Variants in NR4A1 observed in about 807,000 individuals in gnomAD.
The protein encoded by NR4A1 is nuclear receptor subfamily 4immunitygroup A member 1.
NR4A1 carries 24 observed loss-of-function variants against 47.5 expected under a neutral mutation model. The ratio of observed to expected loss-of-function variants is 0.50; its 90% CI spans 0.37 to 0.71. NR4A1 has a LOEUF of 0.71. Among genes scored for constraint, NR4A1 ranks in the 30% least tolerant of loss-of-function variants. The pLI is 0.00. For missense variants in NR4A1, 669 were observed against 788.6 expected (o/e 0.85, Z 1.82); for synonymous variants, 353 against 345.7 (o/e 1.02, Z -0.24).
chr12:52,041,688 TC>T, intron 1 of NR4A1: 2 of 1,119,880 alleles, frequency 1.8e-6, no homozygotes, highest in Non-Finnish European at 2.3e-6. Context: ...CGCTGGCTTG[TC>T]CCCCTCTTGT....
chr12:52,040,818 C>G (rs529275884), intron 1 of NR4A1, among the ~76,000 whole-genome samples: 51 of 152,352 alleles, frequency 3.3e-4, no homozygotes, highest in Admixed American at 1.2e-3. Flanking sequence ...TCATCTCCTT[C>G]TCTTTTCCCA....
At chr12:52,041,864 T>C (rs765977444) in exon 2 of NR4A1, 22 of 1,526,814 alleles carry the variant, frequency 1.4e-5, no homozygotes, top group African/African-American at 2.7e-5. Flanking sequence ...CCTGGCTCCT[T>C]CTGCTGGGCC....
chr12:52,036,687 G>A (rs1483701182), intron 1 of NR4A1, among the ~76,000 whole-genome samples: 1 of 152,236 alleles, frequency 6.6e-6, no homozygotes, highest in Non-Finnish European at 1.5e-5. Context: ...TGGAAGCTGG[G>A]TGCCCTGCTA....
At chr12:52,052,278 T>TGTGTGG (rs1939009682) in intron 1 of NR4A1, among the ~76,000 whole-genome samples, 1 of 132,692 alleles carries the variant, frequency 7.5e-6, no homozygotes, top group Admixed American at 7.0e-5. Context: ...CGTGTGTGTG[T>TGTGTGG]GTGTGTGTGT....
chr12:52,041,602 C>A (rs2120978387), intron 1 of NR4A1, among the ~76,000 whole-genome samples: 1 of 152,302 alleles, frequency 6.6e-6, no homozygotes, highest in East Asian at 1.9e-4. Context: ...CCTGGCCACA[C>A]CCTACACCCC....
chr12:52,055,561 G>A, intron 2 of NR4A1: 1 of 518,496 alleles, frequency 1.9e-6, no homozygotes, highest in Non-Finnish European at 3.4e-6. Flanking sequence ...AGGCTCTCAT[G>A]TTCCTGGCGT....
chr12:52,035,461 A>C (rs1565640019), intron 1 of NR4A1, among the ~76,000 whole-genome samples: 1 of 152,150 alleles, frequency 6.6e-6, no homozygotes, highest in Non-Finnish European at 1.5e-5. Context: ...TGTATTTCAA[A>C]AGTTAGACTT....
In NR4A1 at chr12:52,059,076, CAGG is replaced by C; in HGVS notation, c.*136_*138del. ...AATGACTCCACCTTCTCACCTGCTCCAGGAGGTTTGCAGGGAGCTCAAGCCCTT... is the reference window on the plus strand; with the variant it reads ...AATGACTCCACCTTCTCACCTGCTCCAGGTTTGCAGGGAGCTCAAGCCCTT... On this transcript the variant is annotated 3_prime_UTR_variant, in exon 7 of 7. Transcript: ENST00000394825. The C allele has an allele frequency of 8.2e-7, 1 of 1,220,104 alleles. No individual in the cohort carries two copies. Among genetic ancestry groups the C allele is most frequent in the Non-Finnish European group, 1.1e-6 (1 of 896,644 alleles). The allele number at this position is 1,220,104 out of a possible 1,614,324, so 75.6% of individuals were successfully genotyped here.
chr12:52,049,839 T>C (rs1303534282), upstream of NR4A1, among the ~76,000 whole-genome samples: 2 of 151,940 alleles, frequency 1.3e-5, no homozygotes, highest in Non-Finnish European at 2.9e-5. Flanking sequence ...TTGAGGTGCT[T>C]GTGGGACCTT....
intron 1 of NR4A1, among the ~76,000 whole-genome samples, chr12:52,024,216 C>A (rs529909939): frequency 1.3e-5 from 2 of 152,330 alleles, no homozygotes; most frequent in Admixed American, 1.3e-4. Context: ...GACGACCATC[C>A]TTCTCCCTGC....
At chr12:52,031,454 T>C (rs951676371) in intron 1 of NR4A1, among the ~76,000 whole-genome samples, 2 of 151,682 alleles carry the variant, frequency 1.3e-5, no homozygotes, top group African/African-American at 2.4e-5. Flanking sequence ...CTGGCCCACA[T>C]GGTGAAACCC....
rs1394703413 is a variant in NR4A1, at chr12:52,043,772, G to C, written c.37+1843G>C. On this transcript the variant is annotated intron_variant, in intron 2 of 7. Coordinates refer to the NR4A1 transcript ENST00000360284. ...TGCCCAGCCTCGGCTGTGAGGATAG[G>C]CTGGCTGGGCAGCACGTCTCTCCCC... 4.7e-6 allele frequency: 6 copies of C among 1,287,346 alleles called. No homozygotes were observed. In the South Asian group the frequency reaches 6.2e-5, roughly 13 times the overall value. 79.7% of individuals were successfully genotyped at this position (1,287,346 alleles called of 1,614,324 possible).
In NR4A1 at chr12:52,051,467, C is replaced by G. The variant is rs753791378; in HGVS notation, c.-104C>G. On this transcript the variant is annotated 5_prime_UTR_variant, in exon 1 of 7. Coordinates refer to ENST00000394825, the MANE Select transcript of NR4A1 (RefSeq NM_173157.3). ...AGTCCCAGTGGCGGAGGCTACGAAA[C>G]TTGGGGGAGTGCACAGAAGAACTTC... The G allele has an allele frequency of 8.1e-6, 8 of 985,560 alleles. No individual in the cohort carries two copies. The East Asian group carries it at 5.7e-4, about 70-fold the overall frequency. 61.1% of individuals were successfully genotyped at this position (985,560 alleles called of 1,614,324 possible). A position where few individuals can be genotyped will look rare whatever the true frequency, so the allele number is the denominator to read the frequency against.
rs1167427670 is a variant in NR4A1 at position 52,058,824 on chromosome 12, G to A, written c.1677G>A (p.Leu559=). 6.2e-7 allele frequency: 1 copy of A among 1,613,874 alleles called. No individual in the cohort carries two copies. The highest frequency in any genetic ancestry group is 8.5e-7 in the Non-Finnish European group (1 of 1,179,976). ...ASCLSRLLGK[L]PELRTLCTQG... ...GCCTGTCACGTCTGTTGGGCAAACT[G>A]CCCGAGCTGCGGACCCTGTGCACCC... The change falls in exon 7 of 7, where the codon CTG becomes CTA. Residue 559 remains leucine (L), a synonymous_variant. Transcript: ENST00000394825.
intron 1 of NR4A1, among the ~76,000 whole-genome samples, chr12:52,040,293 C>T (rs1340824866): frequency 6.6e-6 from 1 of 152,208 alleles, no homozygotes; most frequent in East Asian, 1.9e-4. Context: ...TTTGTGGGCA[C>T]CACCTGGTGC....
intron 2 of NR4A1, chr12:52,043,734 C>T: frequency 1.6e-6 from 2 of 1,280,886 alleles, no homozygotes; most frequent in Non-Finnish European, 2.0e-6. Context: ...ACATCCAGAG[C>T]TCGCTCAGCT....
chr12:52,044,784 G>A (rs1938570340), intron 2 of NR4A1, among the ~76,000 whole-genome samples: 1 of 152,174 alleles, frequency 6.6e-6, no homozygotes, highest in South Asian at 2.1e-4. Context: ...GACCCTCCAA[G>A]GCGAGAGGAG....
rs756939159 is a variant in NR4A1, at chr12:52,057,337, C to T, written c.1362-15C>T. The T allele has an allele frequency of 1.9e-6, 3 of 1,614,136 alleles. No individual in the cohort carries two copies. The highest frequency in any genetic ancestry group is 1.7e-6 in the Non-Finnish European group (2 of 1,180,004). On this transcript the variant is annotated splice_polypyrimidine_tract_variant and intron_variant, in intron 5 of 6. Transcript: ENST00000394825. ...GAACCACCCTGATCGCTCTTCGTGC[C>T]CATCTGCCTGCCAGGTCTAAGCCAG...
At chr12:52,041,487 T>G (rs1016155479) in intron 1 of NR4A1, among the ~76,000 whole-genome samples, 4 of 152,158 alleles carry the variant, frequency 2.6e-5, no homozygotes, top group Non-Finnish European at 5.9e-5. Flanking sequence ...CAGCATGCCC[T>G]TTTGTGCATG....
Sources: gnomAD v4.1 joint callset for allele counts (sites outside exome capture counted in the v4.1 genomes callset) on GRCh38, gnomAD v4.1.1 for gene constraint, MANE v1.5 for transcripts, NCBI Gene and HGNC (gene_info 2026-07-23, HGNC 2026-07-21) for gene names.